CLDN10: variants seen among roughly 807,000 people sequenced by gnomAD.
The protein encoded by CLDN10 is claudin 10, also known as claudin-10.
A neutral mutation model predicts 22.9 loss-of-function variants in CLDN10; 15 were observed. That is an observed-to-expected ratio of 0.65 (90% CI 0.44 to 1.01). The LOEUF (loss-of-function observed/expected upper bound fraction) is 1.01, where lower values mean the gene tolerates loss of function less well. Ranked by LOEUF, CLDN10 falls within the 50% of genes least tolerant of loss-of-function variation. The pLI is 0.00. For synonymous variants in CLDN10, 114 were observed against 111.4 expected (o/e 1.02, Z -0.15); for missense variants, 247 against 287.8 (o/e 0.86, Z 1.03).
chr13:95,555,687 A>T (rs2043630064), intron 1 of CLDN10, among the ~76,000 whole-genome samples: 2 of 152,168 alleles, frequency 1.3e-5, no homozygotes, highest in Admixed American at 6.5e-5. Context: ...AAACAAACTT[A>T]CTTTTCTGTA....
intron 1 of CLDN10, among the ~76,000 whole-genome samples, chr13:95,437,876 A>G (rs1029673165): frequency 6.6e-6 from 1 of 152,194 alleles, no homozygotes; most frequent in Non-Finnish European, 1.5e-5. Flanking sequence ...TCATCCATAA[A>G]TTAAGAGAAC....
chr13:95,498,463 C>T (rs4773909), intron 1 of CLDN10, among the ~76,000 whole-genome samples: 51,694 of 152,024 alleles, frequency 0.34, 9,924 homozygotes, highest in Non-Finnish European at 0.41. Flanking sequence ...GGTGCCATCA[C>T]GGCTCAGTGC....
chr13:95,553,122 C>A, intron 1 of CLDN10, 149 bp downstream of exon 1: 2 of 1,148,654 alleles, frequency 1.7e-6, no homozygotes, highest in Non-Finnish European at 2.4e-6. Context: ...CCTTAGGGAG[C>A]CAGGGACGCT....
chr13:95,547,749 T>A (rs1218237739), upstream of CLDN10, among the ~76,000 whole-genome samples: 1 of 152,226 alleles, frequency 6.6e-6, no homozygotes, highest in Non-Finnish European at 1.5e-5. Context: ...TGAATGAAAG[T>A]ACCATGCCTT....
chr13:95,498,551 C>G (rs535723955), intron 1 of CLDN10, among the ~76,000 whole-genome samples: 2 of 152,000 alleles, frequency 1.3e-5, no homozygotes, highest in African/African-American at 4.8e-5. Flanking sequence ...CAAGCCACCA[C>G]GCCTGGCTGA....
rs1404801400 is a variant in CLDN10, at chr13:95,579,507, C to T, written c.*1493C>T. The T allele has an allele frequency of 1.3e-5, 2 of 152,108 alleles. No homozygotes were observed. The highest frequency in any genetic ancestry group is 6.5e-5 in the Admixed American group (1 of 15,272). The allele number at this position is 152,108 out of a possible 1,614,324, so 9.4% of individuals were successfully genotyped here. A position where few individuals can be genotyped will look rare whatever the true frequency, so the allele number is the denominator to read the frequency against. Reference sequence around the variant, plus strand: ...CTTAAATAATTTGCCACAGTAATGTCGAAACTAGGCCTTTGAACCAAGGCA... The same window carrying T: ...CTTAAATAATTTGCCACAGTAATGTTGAAACTAGGCCTTTGAACCAAGGCA... On this transcript the variant is annotated 3_prime_UTR_variant, in exon 5 of 5. Transcript: ENST00000299339.
At chr13:95,454,018 G>A (rs954513375) in intron 1 of CLDN10, among the ~76,000 whole-genome samples, 1 of 152,146 alleles carries the variant, frequency 6.6e-6, no homozygotes. Context: ...TCCCAAGCGT[G>A]GTAACAATTT....
chr13:95,495,256 C>T (rs926009430), intron 1 of CLDN10, among the ~76,000 whole-genome samples: 2 of 151,624 alleles, frequency 1.3e-5, no homozygotes, highest in African/African-American at 4.8e-5. Flanking sequence ...AGGCTGGTCT[C>T]GAAGTCCTGA....
upstream of CLDN10, among the ~76,000 whole-genome samples, chr13:95,551,950 C>T (rs1263322374): frequency 6.6e-6 from 1 of 152,124 alleles, no homozygotes; most frequent in Admixed American, 6.5e-5. Flanking sequence ...CATAGAATAG[C>T]CTCTAGACCT....
chr13:95,544,312 A>G (rs1232911669), intron 1 of CLDN10, among the ~76,000 whole-genome samples: 2 of 152,200 alleles, frequency 1.3e-5, no homozygotes, highest in Non-Finnish European at 2.9e-5. Context: ...TTACAATATA[A>G]TCTTTCACAT....
chr13:95,520,041 C>T (rs189112359), intron 1 of CLDN10, among the ~76,000 whole-genome samples: 251 of 152,226 alleles, frequency 1.6e-3, no homozygotes, highest in African/African-American at 5.7e-3. Flanking sequence ...CACGTGCGTA[C>T]GCGTGCATGT....
At chr13:95,504,537 G>T (rs753305454) in intron 1 of CLDN10, among the ~76,000 whole-genome samples, 1 of 151,878 alleles carries the variant, frequency 6.6e-6, no homozygotes, top group Non-Finnish European at 1.5e-5. Flanking sequence ...GTGCCACCAC[G>T]CCCAGCTAAT....
chr13:95,509,806 C>T (rs565170551), intron 1 of CLDN10, among the ~76,000 whole-genome samples: 5 of 152,198 alleles, frequency 3.3e-5, no homozygotes, highest in African/African-American at 9.6e-5. Flanking sequence ...TCTCTACCTC[C>T]GACTCCTTAC....
chr13:95,437,240 TA>T (rs1430596681), intron 1 of CLDN10, among the ~76,000 whole-genome samples: 3 of 152,172 alleles, frequency 2.0e-5, no homozygotes, highest in Non-Finnish European at 4.4e-5. Context: ...ATAGCTATAG[TA>T]AAAAATACAG....
intron 1 of CLDN10, among the ~76,000 whole-genome samples, chr13:95,465,183 A>G (rs2042572088): frequency 6.6e-6 from 1 of 152,166 alleles, no homozygotes; most frequent in Non-Finnish European, 1.5e-5. Flanking sequence ...CGAAAGTAGA[A>G]GCCCCTTATT....
intron 1 of CLDN10, among the ~76,000 whole-genome samples, chr13:95,554,060 G>C (rs2043603107): frequency 6.6e-6 from 1 of 152,136 alleles, no homozygotes; most frequent in African/African-American, 2.4e-5. Flanking sequence ...TCTAAGATGG[G>C]GTTTGCCACG....
At chr13:95,546,209 C>T (rs993071258) in intron 1 of CLDN10, among the ~76,000 whole-genome samples, 1 of 152,082 alleles carries the variant, frequency 6.6e-6, no homozygotes, top group Admixed American at 6.6e-5. Context: ...TGTTTGTTCA[C>T]ACGCTGTAGA....
At position 95,433,882 on chromosome 13, in the gene CLDN10, GGA is replaced by G; in HGVS notation, c.51_52del (p.Ala18SerfsTer9). The G allele has an allele frequency of 6.2e-7, 1 of 1,614,204 alleles. No homozygotes were observed. The highest frequency in any genetic ancestry group is 8.5e-7 in the Non-Finnish European group (1 of 1,180,032). On this transcript the variant is annotated frameshift_variant, in exon 1 of 5. Coordinates refer to the CLDN10 transcript ENST00000376873. LOFTEE classifies it high-confidence loss of function. The stretch of plus-strand genomic sequence containing the variant: ...TCTGGTGTCTGGTGTCGGAGGGTTT[GGA>G]GCTCTCGTTGCTGCTACCACGTCCA...
rs2042915356 is a variant in CLDN10 at position 95,495,174 on chromosome 13, C to A, written c.214+61127C>A. Among the ~76,000 whole-genome samples the A allele has an allele frequency of 2.0e-5, 3 of 151,590 alleles. No individual in the cohort carries two copies. The South Asian group carries it at 6.3e-4, about 32-fold the overall frequency. On this transcript the variant is annotated intron_variant, in intron 1 of 4. Coordinates refer to the CLDN10 transcript ENST00000376873. ...CCTCAACCTCCTGAGTAGCTGGGAC[C>A]ACAGGAACATGCCACAACCTCTGGC...
Sources: gnomAD v4.1 joint callset for allele counts (sites outside exome capture counted in the v4.1 genomes callset) on GRCh38, gnomAD v4.1.1 for gene constraint, MANE v1.5 for transcripts, NCBI Gene and HGNC (gene_info 2026-07-23, HGNC 2026-07-21) for gene names.